The following TTC7B variants were observed in gnomAD, a reference collection of about 807,000 sequenced individuals.
The protein encoded by TTC7B is tetratricopeptide repeat protein 7B.
In TTC7B, 28 loss-of-function variants were observed where a neutral mutation model predicts 106.8. The observed-to-expected ratio is 0.26, with a 90% CI of 0.19 to 0.36. The LOEUF is 0.36. Ranked by LOEUF, TTC7B falls within the 10% of genes least tolerant of loss-of-function variation. The pLI is 1.00. For synonymous variants in TTC7B, 405 were observed against 430.6 expected (o/e 0.94, Z 0.74); for missense variants, 862 against 1,076.4 (o/e 0.80, Z 2.79).
At chr14:90,662,783 T>G (rs1487728244) in intron 9 of TTC7B, among the ~76,000 whole-genome samples, 1 of 152,238 alleles carries the variant, frequency 6.6e-6, no homozygotes, top group African/African-American at 2.4e-5. Flanking sequence ...AAACAAAAGT[T>G]AGCTATTATT....
intron 12 of TTC7B, 100 bp from the exon 13 acceptor site, chr14:90,652,998 C>A: frequency 1.6e-6 from 2 of 1,287,206 alleles, no homozygotes; most frequent in Non-Finnish European, 2.3e-6. Context: ...GGATTAAAAG[C>A]AACAATGTCT....
intron 19 of TTC7B, among the ~76,000 whole-genome samples, chr14:90,557,183 C>T (rs912861944): frequency 1.3e-5 from 2 of 152,192 alleles, no homozygotes; most frequent in Non-Finnish European, 2.9e-5. Flanking sequence ...CATCCCTTTG[C>T]GAGGGCCTCA....
chr14:90,622,203 C>T (rs374763025), intron 15 of TTC7B, among the ~76,000 whole-genome samples: 100 of 151,366 alleles, frequency 6.6e-4, no homozygotes, highest in African/African-American at 2.3e-3. Flanking sequence ...CTGTCAACCT[C>T]CGCCTCCCAG....
At chr14:90,618,859 C>T (rs747164612) in intron 15 of TTC7B, among the ~76,000 whole-genome samples, 27 of 152,196 alleles carry the variant, frequency 1.8e-4, no homozygotes, top group Non-Finnish European at 2.6e-4. Flanking sequence ...TTCTTCCTGT[C>T]CCCTGACTTA....
At chr14:90,584,097 T>C (rs191757220) in intron 18 of TTC7B, among the ~76,000 whole-genome samples, 1 of 152,038 alleles carries the variant, frequency 6.6e-6, no homozygotes, top group African/African-American at 2.4e-5. Flanking sequence ...GTGCCAACCC[T>C]CCTGCAGGGC....
intron 5 of TTC7B, among the ~76,000 whole-genome samples, chr14:90,710,943 C>T (rs911587324): frequency 6.6e-6 from 1 of 151,444 alleles, no homozygotes; most frequent in African/African-American, 2.4e-5. Context: ...ATTCAAACTT[C>T]TGAAGAAAAA....
intron 19 of TTC7B, among the ~76,000 whole-genome samples, chr14:90,546,495 C>G (rs1300027408): frequency 6.6e-6 from 1 of 152,206 alleles, no homozygotes; most frequent in Non-Finnish European, 1.5e-5. Flanking sequence ...GGACGCAGCC[C>G]CAGCCCCCTC....
intron 17 of TTC7B, among the ~76,000 whole-genome samples, chr14:90,597,730 G>T (rs933451572): frequency 5.3e-5 from 8 of 152,018 alleles, no homozygotes. Flanking sequence ...AACTGAAATG[G>T]TAAGTGACTA....
chr14:90,576,093 C>A (rs1891253058), intron 19 of TTC7B, among the ~76,000 whole-genome samples: 1 of 152,066 alleles, frequency 6.6e-6, no homozygotes, highest in Non-Finnish European at 1.5e-5. Context: ...AAAGGTGAAA[C>A]AGAAAACTCT....
At position 90,536,751 on chromosome 14, in the gene TTC7B, C is replaced by T. The variant is rs1331694402; in HGVS notation, c.*4617G>A. The T allele has an allele frequency of 6.6e-6, 1 of 152,370 alleles. No individual in the cohort carries two copies. The highest frequency in any genetic ancestry group is 1.5e-5 in the Non-Finnish European group (1 of 68,118). 9.4% of individuals were successfully genotyped at this position (152,370 alleles called of 1,614,324 possible). ...GCCTGACAGCCTCCCAGCTCCCACG[C>T]TGCGGCCTGCAGAATAACGTGCTCC... On this transcript the variant is annotated 3_prime_UTR_variant, in exon 20 of 20. Transcript: ENST00000328459.
chr14:90,657,289 G>A lies in TTC7B; in HGVS notation c.1237-11C>T. 1.2e-6 allele frequency: 2 copies of A among 1,612,422 alleles called. No individual in the cohort carries two copies. Among genetic ancestry groups the A allele is most frequent in the Middle Eastern group, 1.7e-4 (1 of 6,058 alleles). ...CACGGCACGGGCAGACTTGGCAAGA[G>A]AAGATTATTTCCGTGAAACTCAAAG... On this transcript the variant is annotated splice_polypyrimidine_tract_variant and intron_variant, in intron 10 of 19. Coordinates refer to ENST00000328459, the MANE Select transcript of TTC7B (RefSeq NM_001010854.2). This position sits in a 1 kb window ranked among gnomAD's most constrained non-coding sequence, Gnocchi z 4.2.
chr14:90,708,395 A>G (rs1168438311), intron 5 of TTC7B, among the ~76,000 whole-genome samples: 2 of 152,194 alleles, frequency 1.3e-5, no homozygotes, highest in African/African-American at 2.4e-5. Context: ...TGCAGGAGCT[A>G]ATGCAACTGG....
chr14:90,607,379 G>A (rs557333135), intron 17 of TTC7B, among the ~76,000 whole-genome samples: 51 of 152,220 alleles, frequency 3.4e-4, no homozygotes, highest in African/African-American at 1.9e-4. Context: ...TGCTTGTGTC[G>A]GACGCCTGTG....
At chr14:90,699,748 C>T (rs954279013) in intron 5 of TTC7B, among the ~76,000 whole-genome samples, 4 of 152,066 alleles carry the variant, frequency 2.6e-5, no homozygotes, top group Non-Finnish European at 5.9e-5. Flanking sequence ...TCCTGAAATG[C>T]TGAAGCACTA....
chr14:90,597,489 C>T (rs1223145472), intron 17 of TTC7B, among the ~76,000 whole-genome samples: 1 of 152,118 alleles, frequency 6.6e-6, no homozygotes, highest in East Asian at 1.9e-4. Flanking sequence ...GAAACCCTGT[C>T]TCTACTAAAA....
rs1356022985 is a variant in TTC7B at position 90,593,600 on chromosome 14, C to A, written c.1993G>T (p.Ala665Ser). The change falls in exon 18 of 20, where the codon GCC (alanine) becomes TCC (serine). Residue 665 changes from alanine (A) to serine (S), a missense_variant. By Grantham distance (99) the Ala-to-Ser change is moderately conservative. Coordinates refer to ENST00000328459, the MANE Select transcript of TTC7B (RefSeq NM_001010854.2). ...TGSVHATSVA[A>S]SRVEQALSEV... ...GACAGTGCCTGCTCCACTCTTGAGG[C>A]TGCTACCGATGTGGCATGGACGGAG... is the stretch of plus-strand genomic sequence containing the variant. The A allele has an allele frequency of 4.3e-6, 7 of 1,610,852 alleles. No individual in the cohort carries two copies. The highest frequency in any genetic ancestry group is 5.9e-6 in the Non-Finnish European group (7 of 1,178,164).
chr14:90,761,634 G>A (rs1890506131), intron 3 of TTC7B, among the ~76,000 whole-genome samples: 1 of 152,206 alleles, frequency 6.6e-6, no homozygotes, highest in Non-Finnish European at 1.5e-5. Flanking sequence ...CAGTGAGTTG[G>A]TTTTGTCTGT....
chr14:90,688,126 A>T (rs1298774153), intron 7 of TTC7B, among the ~76,000 whole-genome samples: 1 of 152,222 alleles, frequency 6.6e-6, no homozygotes. Context: ...AAGGTCTTCA[A>T]TATTTATTCA....
chr14:90,688,372 C>A (rs1199404129), intron 7 of TTC7B, among the ~76,000 whole-genome samples: 1 of 152,092 alleles, frequency 6.6e-6, no homozygotes, highest in Non-Finnish European at 1.5e-5. Context: ...CACCTGTAAT[C>A]CCAGCACTTT....
Sources: gnomAD v4.1 joint callset for allele counts (sites outside exome capture counted in the v4.1 genomes callset) on GRCh38, gnomAD v4.1.1 for gene constraint, Gnocchi (gnomAD v3.1) non-coding constraint, MANE v1.5 for transcripts, NCBI Gene and HGNC (gene_info 2026-07-23, HGNC 2026-07-21) for gene names.